The following MKKS variants were observed in gnomAD, a reference collection of about 807,000 sequenced individuals.
MKKS encodes molecular chaperone MKKS.
In MKKS, 29 loss-of-function variants were observed where a neutral mutation model predicts 33.2. The ratio of observed to expected loss-of-function variants is 0.87; its 90% CI spans 0.65 to 1.19. The LOEUF (loss-of-function observed/expected upper bound fraction) is 1.19, where lower values mean the gene tolerates loss of function less well. Among genes scored for constraint, MKKS ranks in the 50% most tolerant of loss-of-function variants. The probability of loss-of-function intolerance (pLI) is 0.00; values close to 1 mark genes in which losing one functional copy is unlikely to be tolerated. For missense variants in MKKS, 661 were observed against 662.3 expected, an observed-to-expected ratio of 1.00 and a Z score of 0.02; for synonymous variants, 260 against 244.0, an observed-to-expected ratio of 1.07 and a Z score of -0.61.
At chr20:10,431,428 G>A (rs980334396) in intron 1 of MKKS, among the ~76,000 whole-genome samples, 4 of 152,018 alleles carry the variant, frequency 2.6e-5, no homozygotes, top group African/African-American at 9.7e-5. Context: ...GAACTACCAA[G>A]AAGAGTAAGG....
intron 1 of MKKS, among the ~76,000 whole-genome samples, chr20:10,426,410 TC>T (rs111466973): frequency 0.14 from 21,587 of 152,124 alleles, 1,733 homozygotes; most frequent in East Asian, 0.24. Context: ...GGCATGTTGT[TC>T]TTTTTTCTTT....
chr20:10,416,566 C>T lies in MKKS; in HGVS notation c.-417-2635G>A, dbSNP rs566197525. Among the ~76,000 whole-genome samples, 5 of 152,048 alleles carry T rather than the reference C, an allele frequency of 3.3e-5. No individual in the cohort carries two copies. In the South Asian group the frequency reaches 8.3e-4, roughly 25 times the overall value. ...CATACTAACACCAAAAACAAAAACCCTAAGTGGCTTGAGCACTCATTATTA... is the reference window on the plus strand; with the variant it reads ...CATACTAACACCAAAAACAAAAACCTTAAGTGGCTTGAGCACTCATTATTA... On this transcript the variant is annotated intron_variant, in intron 2 of 5. Transcript: ENST00000347364.
rs750591386 is a variant in MKKS, at chr20:10,412,743, C to T, written c.772G>A (p.Gly258Arg). Residue 258 changes from glycine to arginine, a missense_variant, in exon 3 of 6, where the codon GGA becomes AGA. Coordinates refer to ENST00000347364, the MANE Select transcript of MKKS (RefSeq NM_170784.3). ...LSGDTSDTGE[G>R]TVVVSYGVSL... ...ACCCCATAACTGACCACCACAGTTC[C>T]TTCTCCAGTGTCAGAAGTGTCTCCG... The T allele has an allele frequency of 1.2e-6, 2 of 1,614,158 alleles. No homozygotes were observed. Among genetic ancestry groups the T allele is most frequent in the Admixed American group, 1.7e-5 (1 of 60,016 alleles).
chr20:10,405,152 AGGGC>A lies in MKKS; in HGVS notation c.*91_*94del, dbSNP rs1274715987. On this transcript the variant is annotated 3_prime_UTR_variant, in exon 6 of 6. Coordinates refer to ENST00000347364, the MANE Select transcript of MKKS (RefSeq NM_170784.3). ...AGTCATTTGTCCAAATATGTAGAAC[AGGGC>A]TTTGGGAGAAAACAAATACACTCAC... 8 of 992,684 alleles carry A rather than the reference AGGGC, an allele frequency of 8.1e-6. No homozygotes were observed. The highest frequency in any genetic ancestry group is 3.3e-5 in the African/African-American group (2 of 61,006). The allele number at this position is 992,684 out of a possible 1,614,324, so 61.5% of individuals were successfully genotyped here. A position where few individuals can be genotyped will look rare whatever the true frequency, so the allele number is the denominator to read the frequency against.
chr20:10,420,339 G>A (rs2064970599), intron 2 of MKKS, among the ~76,000 whole-genome samples, 189 bp downstream of exon 2: 1 of 152,188 alleles, frequency 6.6e-6, no homozygotes, highest in Non-Finnish European at 1.5e-5. Context: ...TGCCAGGCAA[G>A]TGTCAAATGT....
chr20:10,402,353 G>C lies in MKKS; in HGVS notation c.*2894C>G, dbSNP rs1158539461. 6.6e-6 allele frequency: 1 copy of C among 152,052 alleles called. No individual in the cohort carries two copies. Among genetic ancestry groups the C allele is most frequent in the Non-Finnish European group, 1.5e-5 (1 of 68,020 alleles). 9.4% of individuals were successfully genotyped at this position (152,052 alleles called of 1,614,324 possible). On this transcript the variant is annotated 3_prime_UTR_variant, in exon 6 of 6. Transcript: ENST00000347364. ...TTTTCATCAAGAATTTTCATTTCAT[G>C]TTTTATCATCTAAGTTTGAACGCTA...
chr20:10,405,142 T>A lies in MKKS; in HGVS notation c.*105A>T. ...TAATTTTATGAGTCATTTGTCCAAA[T>A]ATGTAGAACAGGGCTTTGGGAGAAA... On this transcript the variant is annotated 3_prime_UTR_variant, in exon 6 of 6. Transcript: ENST00000347364. 1.1e-6 allele frequency: 1 copy of A among 892,002 alleles called. No homozygotes were observed. Among genetic ancestry groups the A allele is most frequent in the Non-Finnish European group, 1.7e-6 (1 of 599,952 alleles). 55.3% of individuals were successfully genotyped at this position (892,002 alleles called of 1,614,324 possible). A position where few individuals can be genotyped will look rare whatever the true frequency, so the allele number is the denominator to read the frequency against.
intron 2 of MKKS, among the ~76,000 whole-genome samples, chr20:10,415,785 A>G (rs2064933907): frequency 6.6e-6 from 1 of 152,216 alleles, no homozygotes; most frequent in Non-Finnish European, 1.5e-5. Flanking sequence ...CTTTTCAAAA[A>G]CAGAATGCCA....
intron 1 of MKKS, among the ~76,000 whole-genome samples, chr20:10,427,021 A>ACAC (rs879320265): frequency 0.057 from 6,502 of 114,534 alleles, 226 homozygotes; most frequent in Admixed American, 0.086. Flanking sequence ...CCAAGAAAAG[A>ACAC]AAACACTGAC....
In MKKS at chr20:10,413,616, G is replaced by T; in HGVS notation, c.-102C>A. On this transcript the variant is annotated 5_prime_UTR_variant, in exon 3 of 6. Coordinates refer to ENST00000347364, the MANE Select transcript of MKKS (RefSeq NM_170784.3). The stretch of plus-strand genomic sequence containing the variant: ...TTTAACATTAAAAATTATTCTTTAG[G>T]AATTAAAGTATGAATATGCAGCATT... The T allele has an allele frequency of 1.5e-6, 2 of 1,346,412 alleles. No homozygotes were observed. Among genetic ancestry groups the T allele is most frequent in the Non-Finnish European group, 2.1e-6 (2 of 951,950 alleles). The allele number at this position is 1,346,412 out of a possible 1,614,324, so 83.4% of individuals were successfully genotyped here.
chr20:10,417,027 C>T (rs1023349843), intron 2 of MKKS, among the ~76,000 whole-genome samples: 6 of 151,920 alleles, frequency 3.9e-5, no homozygotes, highest in Admixed American at 3.3e-4. Context: ...AATGAATAGT[C>T]GCTAATAATT....
intron 1 of MKKS, among the ~76,000 whole-genome samples, chr20:10,426,713 G>A (rs2065016817): frequency 6.6e-6 from 1 of 152,218 alleles, no homozygotes; most frequent in Non-Finnish European, 1.5e-5. Flanking sequence ...GTCCTTGGCT[G>A]ATTTTCATGT....
intron 1 of MKKS, among the ~76,000 whole-genome samples, chr20:10,433,080 C>G (rs1051390286): frequency 6.6e-6 from 1 of 152,168 alleles, no homozygotes; most frequent in African/African-American, 2.4e-5. Flanking sequence ...CTCCGCTCAC[C>G]GCAACCTCCG....
At chr20:10,410,724 G>A (rs796875594) in intron 3 of MKKS, among the ~76,000 whole-genome samples, 6 of 152,194 alleles carry the variant, frequency 3.9e-5, no homozygotes, top group Admixed American at 1.3e-4. Flanking sequence ...TAATAAACAG[G>A]AATTTTGTTT....
At chr20:10,408,916 A>G (rs2064861609) in intron 3 of MKKS, 113 bp from the exon 4 acceptor site, 2 of 754,262 alleles carry the variant, frequency 2.7e-6, no homozygotes, top group Non-Finnish European at 4.3e-6. Context: ...CATATAATTT[A>G]AAATATGAAA....
chr20:10,430,037 A>C (rs373094951), intron 1 of MKKS, among the ~76,000 whole-genome samples: 4 of 112,562 alleles, frequency 3.6e-5, no homozygotes, highest in Middle Eastern at 4.3e-3. Context: ...AAAACAAAAA[A>C]CAAAAAAACA....
intron 2 of MKKS, among the ~76,000 whole-genome samples, chr20:10,415,523 T>C (rs950002578): frequency 6.6e-6 from 1 of 152,208 alleles, no homozygotes; most frequent in African/African-American, 2.4e-5. Flanking sequence ...TATTGTCAAC[T>C]TTTGTATGGC....
Position 10,412,893 on chromosome 20 carries a change from T to C in MKKS, c.622A>G (p.Arg208Gly). 1 of 1,613,898 alleles carries C rather than the reference T, an allele frequency of 6.2e-7. No homozygotes were observed. Among genetic ancestry groups the C allele is most frequent in the Non-Finnish European group, 8.5e-7 (1 of 1,179,898 alleles). ...GGTAATACAGTGGAATCTATAACTC[T>C]TTGACCTTTTAAAGGTACAATTAAA... ...KSLIVPLKGQRVIDSTVLPGI... is the reference protein window; with the variant it reads ...KSLIVPLKGQGVIDSTVLPGI... The change falls in exon 3 of 6, where the codon AGA becomes GGA. Residue 208 changes from arginine (R) to glycine (G), a missense_variant. Transcript: ENST00000347364.
rs371592102 is a variant in MKKS, at chr20:10,410,994, G to GT, written c.985+1535dup. Among the ~76,000 whole-genome samples the GT allele has an allele frequency of 3.2e-3, 461 of 144,150 alleles. 1 individual carries two copies. The highest frequency in any genetic ancestry group is 8.9e-3 in the South Asian group (40 of 4,494). The allele number at this position is 144,150 out of a possible 152,430, so 94.6% of individuals were successfully genotyped here. A position where few individuals can be genotyped will look rare whatever the true frequency, so the allele number is the denominator to read the frequency against. On this transcript the variant is annotated intron_variant, in intron 3 of 5. Transcript: ENST00000347364. ...TATGGTTTCTACGGGAAAATGTTTG[G>GT]TTTTTTTTTTTTTGATAGGGAATCT...
Sources: gnomAD v4.1 joint callset for allele counts (sites outside exome capture counted in the v4.1 genomes callset) on GRCh38, gnomAD v4.1.1 for gene constraint, MANE v1.5 for transcripts, NCBI Gene and HGNC (gene_info 2026-07-23, HGNC 2026-07-21) for gene names.